The following TRERF1 variants were observed in gnomAD, a reference collection of about 807,000 sequenced individuals.
The protein encoded by TRERF1 is transcriptional regulating factor 1.
A neutral mutation model predicts 122.9 loss-of-function variants in TRERF1; 27 were observed. That is an observed-to-expected ratio of 0.22 (90% confidence interval 0.16 to 0.30). The LOEUF (loss-of-function observed/expected upper bound fraction) is 0.30, where lower values mean the gene tolerates loss of function less well. TRERF1 is among the 10% of genes least tolerant of loss of function. The pLI is 1.00. For synonymous variants in TRERF1, 636 were observed against 641.7 expected, an observed-to-expected ratio of 0.99 and a Z score of 0.13; for missense variants, 1,248 against 1,560.3, an observed-to-expected ratio of 0.80 and a Z score of 3.37.
chr6:42,407,673 C>T (rs1214958426), intron 2 of TRERF1, among the ~76,000 whole-genome samples: 1 of 152,026 alleles, frequency 6.6e-6, no homozygotes, highest in Admixed American at 6.6e-5. Flanking sequence ...GTCTCTCCAC[C>T]GCAACGCATT....
chr6:42,419,311 T>C (rs1290719890), intron 2 of TRERF1, among the ~76,000 whole-genome samples: 3 of 126,892 alleles, frequency 2.4e-5, no homozygotes, highest in Non-Finnish European at 4.8e-5. Context: ...GTCACCTGCT[T>C]AGGCACAGAG....
At chr6:42,410,357 C>T (rs1780931823) in intron 2 of TRERF1, among the ~76,000 whole-genome samples, 1 of 151,920 alleles carries the variant, frequency 6.6e-6, no homozygotes. Flanking sequence ...CTATGTTGCC[C>T]AGACTAGTCT....
At chr6:42,320,409 C>T (rs1763223732) in intron 3 of TRERF1, among the ~76,000 whole-genome samples, 1 of 151,914 alleles carries the variant, frequency 6.6e-6, no homozygotes, top group African/African-American at 2.4e-5. Flanking sequence ...GGGTTGAGAT[C>T]AATTCTGAGC....
chr6:42,259,656 T>C lies in TRERF1; in HGVS notation c.1952A>G (p.Lys651Arg), dbSNP rs931351805. ...TTCCGGCCGGTGCCGGAACTTTTTCTTCTCCTGCACGGTCTTGAGGGGCTC... is the reference window on the plus strand; with the variant it reads ...TTCCGGCCGGTGCCGGAACTTTTTCCTCTCCTGCACGGTCTTGAGGGGCTC... Residue 651 changes from lysine (K) to arginine (R), a missense_variant, in exon 9 of 18, where the codon AAG becomes AGG. Physicochemically the swap from Lys to Arg is conservative, Grantham distance 26. Transcript: ENST00000372922. The surrounding 1 kb of genome is among the most constrained non-coding windows in gnomAD (Gnocchi z 4.9). The C allele has an allele frequency of 1.1e-4, 175 of 1,611,806 alleles. No individual in the cohort carries two copies. Among genetic ancestry groups the C allele is most frequent in the Non-Finnish European group, 1.4e-4 (165 of 1,179,990 alleles).
intron 2 of TRERF1, among the ~76,000 whole-genome samples, chr6:42,428,203 A>G (rs1023757920): frequency 6.6e-6 from 1 of 152,244 alleles, no homozygotes; most frequent in Non-Finnish European, 1.5e-5. Flanking sequence ...TTTATTTTCT[A>G]TGTAACTTCT....
rs144883715 is a variant in TRERF1, at chr6:42,373,799, C to T, written c.-453-10720G>A. Among the ~76,000 whole-genome samples the T allele has an allele frequency of 2.1e-3, 315 of 149,852 alleles. No individual in the cohort carries two copies. The Middle Eastern group carries it at 0.047, about 23-fold the overall frequency. On this transcript the variant is annotated intron_variant, in intron 2 of 17. Coordinates refer to ENST00000372922, the Ensembl canonical transcript of TRERF1. ...TGAGCCAAGATTGCACCATTGCATT[C>T]CAGCCTGGGCAACAAGAGCAAAAAA...
At chr6:42,298,356 A>G (rs759886855) in intron 4 of TRERF1, among the ~76,000 whole-genome samples, 163 of 151,802 alleles carry the variant, frequency 1.1e-3, no homozygotes, top group Middle Eastern at 6.8e-3. Flanking sequence ...GGGTTTCACC[A>G]TGTTGGCCAG....
At position 42,228,934 on chromosome 6, in the gene TRERF1, C is replaced by G. The variant is rs1769975725; in HGVS notation, c.3279-265G>C. ...GGAGGAATTCTCAAAGGCCTCCTGTCCACCTGGAGTCTGGAGCACAGGCTC... is the reference window on the plus strand; with the variant it reads ...GGAGGAATTCTCAAAGGCCTCCTGTGCACCTGGAGTCTGGAGCACAGGCTC... On this transcript the variant is annotated intron_variant, in intron 17 of 17. Transcript: ENST00000372922. The surrounding 1 kb of genome is among the most constrained non-coding windows in gnomAD (Gnocchi z 4.2). Among the ~76,000 whole-genome samples, 1 of 152,192 alleles carries G rather than the reference C, an allele frequency of 6.6e-6. No individual in the cohort carries two copies. Among genetic ancestry groups the G allele is most frequent in the African/African-American group, 2.4e-5 (1 of 41,456 alleles).
chr6:42,281,811 C>T (rs532640532), intron 4 of TRERF1, among the ~76,000 whole-genome samples: 2 of 152,320 alleles, frequency 1.3e-5, no homozygotes, highest in East Asian at 1.9e-4. Flanking sequence ...CGATGGCTAA[C>T]GTGCATTGGG....
chr6:42,403,797 T>G (rs562967977), intron 2 of TRERF1, among the ~76,000 whole-genome samples: 1 of 152,154 alleles, frequency 6.6e-6, no homozygotes, highest in African/African-American at 2.4e-5. Flanking sequence ...GGAGCTTATA[T>G]CCTTCAAATC....
intron 3 of TRERF1, among the ~76,000 whole-genome samples, chr6:42,347,504 G>A (rs1768524010): frequency 6.6e-6 from 1 of 152,104 alleles, no homozygotes; most frequent in Non-Finnish European, 1.5e-5. Flanking sequence ...CTCTTAATAT[G>A]TGCCAAGAAC....
chr6:42,387,524 C>A (rs540380342), intron 2 of TRERF1, among the ~76,000 whole-genome samples: 4 of 152,348 alleles, frequency 2.6e-5, no homozygotes, highest in Non-Finnish European at 5.9e-5. Context: ...ATCTTTCAGG[C>A]TGGCATGCAC....
At chr6:42,262,888 T>A (rs1778475650) in intron 8 of TRERF1, among the ~76,000 whole-genome samples, 1 of 152,100 alleles carries the variant, frequency 6.6e-6, no homozygotes, top group Admixed American at 6.5e-5. Flanking sequence ...TGGTTGTGGA[T>A]TTGGGAGGTC....
chr6:42,244,852 G>A (rs1456166135), intron 14 of TRERF1, among the ~76,000 whole-genome samples: 1 of 152,246 alleles, frequency 6.6e-6, no homozygotes, highest in African/African-American at 2.4e-5. Flanking sequence ...TGCATCTTAA[G>A]ACAGAAACAT....
chr6:42,371,575 T>C lies in TRERF1; in HGVS notation c.-453-8496A>G, dbSNP rs115565768. Among the ~76,000 whole-genome samples the C allele has an allele frequency of 4.8e-3, 733 of 152,300 alleles. 7 individuals are homozygous for C. The highest frequency in any genetic ancestry group is 0.017 in the African/African-American group (706 of 41,560). ...CCAAAGGCAAAGGACATTTGCAATG[T>C]ATCCAAACTTCTGGGGCTCTCGAGG... On this transcript the variant is annotated intron_variant, in intron 2 of 17. Coordinates refer to ENST00000372922, the Ensembl canonical transcript of TRERF1.
At chr6:42,242,496 G>T (rs1357284859) in intron 15 of TRERF1, among the ~76,000 whole-genome samples, 1 of 152,164 alleles carries the variant, frequency 6.6e-6, no homozygotes, top group Non-Finnish European at 1.5e-5. Flanking sequence ...ACACATATAT[G>T]GTAGGTAATG....
chr6:42,282,568 C>T (rs530719585), intron 4 of TRERF1, among the ~76,000 whole-genome samples: 3 of 151,984 alleles, frequency 2.0e-5, no homozygotes, highest in South Asian at 2.1e-4. Flanking sequence ...ACAAACAAAC[C>T]GAACCAAAAC....
intron 3 of TRERF1, among the ~76,000 whole-genome samples, chr6:42,315,575 C>T (rs376312327): frequency 1.4e-4 from 22 of 152,198 alleles, no homozygotes; most frequent in African/African-American, 5.3e-4. Context: ...TAACTTGGAG[C>T]TAAGAGGGAG....
chr6:42,288,574 C>CAAAAAAAAAAAAAAAAAA (rs3074797), intron 4 of TRERF1, among the ~76,000 whole-genome samples: 3 of 86,548 alleles, frequency 3.5e-5, no homozygotes, highest in African/African-American at 1.5e-4. Context: ...ATCTCAAAAC[C>CAAAAAAAAAAAAAAAAAA]AAAAAAAAAA....
Sources: gnomAD v4.1 joint callset for allele counts (sites outside exome capture counted in the v4.1 genomes callset) on GRCh38, gnomAD v4.1.1 for gene constraint, Gnocchi (gnomAD v3.1) non-coding constraint, MANE v1.5 for transcripts, NCBI Gene and HGNC (gene_info 2026-07-23, HGNC 2026-07-21) for gene names.